Variants in TIAM1 observed in about 807,000 individuals in gnomAD.
TIAM1 encodes the protein rho guanine nucleotide exchange factor TIAM1.
TIAM1 carries 65 observed loss-of-function variants against 163.5 expected under a neutral mutation model. The ratio of observed to expected loss-of-function variants is 0.40; its 90% CI spans 0.33 to 0.49. TIAM1 has a LOEUF of 0.49. TIAM1 is among the 20% of genes least tolerant of loss of function. TIAM1 has a pLI of 0.77. For missense variants in TIAM1, 1,789 were observed against 2,044.7 expected (o/e 0.87, Z 2.41); for synonymous variants, 833 against 810.1 (o/e 1.03, Z -0.48).
intron 2 of TIAM1, among the ~76,000 whole-genome samples, chr21:31,423,854 CG>C (rs1244509919): frequency 2.1e-3 from 52 of 24,808 alleles, no homozygotes; most frequent in Non-Finnish European, 1.3e-3. Context: ...TAATGATTAT[CG>C]GGGGGGGCGG....
At chr21:31,411,143 G>A (rs891898004) in intron 2 of TIAM1, among the ~76,000 whole-genome samples, 11 of 152,168 alleles carry the variant, frequency 7.2e-5, no homozygotes, top group African/African-American at 2.4e-4. Flanking sequence ...CAAAAGGGAA[G>A]TAGCACCCCA....
chr21:31,144,637 G>A (rs2083018532), intron 20 of TIAM1, among the ~76,000 whole-genome samples: 1 of 151,918 alleles, frequency 6.6e-6, no homozygotes, highest in South Asian at 2.1e-4. Flanking sequence ...AGACCAGCCT[G>A]GCCAACATGG....
intron 15 of TIAM1, among the ~76,000 whole-genome samples, chr21:31,178,149 T>G (rs1342396998): frequency 6.6e-6 from 1 of 152,198 alleles, no homozygotes; most frequent in African/African-American, 2.4e-5. Context: ...ATCCTGTTTA[T>G]TTGCCTCCAC....
intron 10 of TIAM1, among the ~76,000 whole-genome samples, chr21:31,210,748 G>GAGAAAGAAA (rs2086812702): frequency 1.7e-5 from 1 of 59,770 alleles, no homozygotes; most frequent in Admixed American, 2.1e-4. Context: ...GGAAGGAAGG[G>GAGAAAGAAA]AGAAAGAAAG....
intron 19 of TIAM1, among the ~76,000 whole-genome samples, chr21:31,151,368 A>T (rs2083362899): frequency 6.6e-6 from 1 of 152,228 alleles, no homozygotes; most frequent in Non-Finnish European, 1.5e-5. Context: ...ATTCAATGGA[A>T]GACAATGCAG....
chr21:31,396,963 T>A (rs1483111325), intron 2 of TIAM1, among the ~76,000 whole-genome samples: 5 of 151,544 alleles, frequency 3.3e-5, no homozygotes, highest in African/African-American at 9.7e-5. Flanking sequence ...ACAAAAAAAA[T>A]TTAAATAATA....
intron 1 of TIAM1, among the ~76,000 whole-genome samples, chr21:31,526,996 C>T (rs937016797): frequency 6.6e-6 from 1 of 152,194 alleles, no homozygotes; most frequent in African/African-American, 2.4e-5. Context: ...GCCACCACGC[C>T]TGGCCAAAAG....
chr21:31,353,367 C>T (rs1044157834), intron 2 of TIAM1, among the ~76,000 whole-genome samples: 1 of 152,214 alleles, frequency 6.6e-6, no homozygotes. Context: ...AATTGCGGGT[C>T]AGCCAGGAAT....
intron 12 of TIAM1, among the ~76,000 whole-genome samples, 195 bp from the exon 13 acceptor site, chr21:31,195,500 C>T (rs1450492523): frequency 1.3e-5 from 2 of 152,144 alleles, no homozygotes; most frequent in East Asian, 3.9e-4. Context: ...CAAACATAGC[C>T]ACAGTTTGGT....
chr21:31,253,345 C>T (rs575804039), intron 4 of TIAM1, among the ~76,000 whole-genome samples: 37 of 152,294 alleles, frequency 2.4e-4, no homozygotes, highest in African/African-American at 8.2e-4. Flanking sequence ...GGTTCAAACA[C>T]GTAAAAACTA....
chr21:31,257,057 G>C (rs567049087), intron 4 of TIAM1, among the ~76,000 whole-genome samples: 1 of 152,124 alleles, frequency 6.6e-6, no homozygotes, highest in Non-Finnish European at 1.5e-5. Context: ...TACTAATTAG[G>C]CTTGTTAATT....
At chr21:31,132,151 G>A (rs541578543) in intron 23 of TIAM1, among the ~76,000 whole-genome samples, 70 of 152,322 alleles carry the variant, frequency 4.6e-4, no homozygotes, top group African/African-American at 1.7e-3. Context: ...AGAATTCTCA[G>A]GGATGGGCCA....
intron 1 of TIAM1, among the ~76,000 whole-genome samples, chr21:31,503,343 C>T (rs1190315107): frequency 2.7e-5 from 4 of 148,818 alleles, no homozygotes; most frequent in Admixed American, 1.4e-4. Context: ...TGCAGTGAGC[C>T]GAGATTGTGC....
chr21:31,534,407 G>T (rs995357856), intron 1 of TIAM1, among the ~76,000 whole-genome samples: 2 of 152,140 alleles, frequency 1.3e-5, no homozygotes, highest in South Asian at 4.2e-4. Flanking sequence ...AAATCAACTG[G>T]GTTCATGCCT....
chr21:31,379,011 G>A (rs532192805), intron 2 of TIAM1, among the ~76,000 whole-genome samples: 31 of 151,758 alleles, frequency 2.0e-4, no homozygotes, highest in Non-Finnish European at 3.7e-4. Flanking sequence ...TCGCTCTGTC[G>A]CCCAGTTGAC....
chr21:31,239,297 T>A (rs2071047895), intron 6 of TIAM1, among the ~76,000 whole-genome samples: 1 of 152,054 alleles, frequency 6.6e-6, no homozygotes, highest in South Asian at 2.1e-4. Context: ...TAATTTTTTT[T>A]ATTTTTATTT....
At chr21:31,396,694 A>G (rs2077076823) in intron 2 of TIAM1, among the ~76,000 whole-genome samples, 1 of 151,662 alleles carries the variant, frequency 6.6e-6, no homozygotes, top group Non-Finnish European at 1.5e-5. Flanking sequence ...TCATGCCTGT[A>G]ATGCCAGCAC....
chr21:31,534,900 T>C (rs550434683), intron 1 of TIAM1, among the ~76,000 whole-genome samples: 1 of 151,420 alleles, frequency 6.6e-6, no homozygotes, highest in African/African-American at 2.4e-5. Flanking sequence ...AGCCCAGGAG[T>C]TCGAGAACAG....
chr21:31,460,778 T>C (rs917478927), intron 2 of TIAM1, among the ~76,000 whole-genome samples: 2 of 152,270 alleles, frequency 1.3e-5, no homozygotes, highest in Non-Finnish European at 2.9e-5. Flanking sequence ...GAATGCATTA[T>C]AAAACAGAAT....
Sources: gnomAD v4.1 joint callset for allele counts (sites outside exome capture counted in the v4.1 genomes callset) on GRCh38, gnomAD v4.1.1 for gene constraint, MANE v1.5 for transcripts, NCBI Gene and HGNC (gene_info 2026-07-23, HGNC 2026-07-21) for gene names.